The following ANKS1B variants were observed in gnomAD, a reference collection of about 807,000 sequenced individuals.
ANKS1B encodes ankyrin repeat and sterile alpha motif domain containing 1B, also known as ankyrin repeat and sterile alpha motif domain-containing protein 1B.
Under a neutral mutation model 148.3 loss-of-function variants are expected in ANKS1B, and 36 were observed. That is an observed-to-expected ratio of 0.24 (90% CI 0.19 to 0.32). ANKS1B has a LOEUF of 0.32. Among genes scored for constraint, ANKS1B ranks in the 10% least tolerant of loss-of-function variants. ANKS1B has a pLI of 1.00. For missense variants in ANKS1B, 1,157 were observed against 1,542.6 expected (o/e 0.75, Z 4.19); for synonymous variants, 542 against 560.8 (o/e 0.97, Z 0.47).
At chr12:98,834,968 T>C (rs2099353757) in intron 17 of ANKS1B, among the ~76,000 whole-genome samples, 1 of 152,178 alleles carries the variant, frequency 6.6e-6, no homozygotes, top group Admixed American at 6.5e-5. Flanking sequence ...TTCTATTGGA[T>C]ATAAATTCCT....
chr12:98,967,636 G>GGAGGGGAGGGAAGGGGAGGA, intron 17 of ANKS1B, among the ~76,000 whole-genome samples: 1 of 133,960 alleles, frequency 7.5e-6, no homozygotes, highest in African/African-American at 3.0e-5. Context: ...GTAGAAGAGG[G>GGAGGGGAGGGAAGGGGAGGA]GAGGGGAGGG....
At chr12:99,564,011 A>C (rs1456487828) in intron 9 of ANKS1B, among the ~76,000 whole-genome samples, 1 of 152,204 alleles carries the variant, frequency 6.6e-6, no homozygotes, top group Non-Finnish European at 1.5e-5. Flanking sequence ...ATAGTTTTCT[A>C]GATATGGATA....
chr12:99,943,964 C>G (rs1208920428), intron 1 of ANKS1B, among the ~76,000 whole-genome samples: 1 of 152,036 alleles, frequency 6.6e-6, no homozygotes, highest in Admixed American at 6.6e-5. Context: ...AGCCCCCACC[C>G]CGCGACAGGC....
intron 19 of ANKS1B, among the ~76,000 whole-genome samples, chr12:98,812,902 G>T (rs1368322974): frequency 5.9e-5 from 9 of 152,090 alleles, no homozygotes; most frequent in Non-Finnish European, 7.4e-5. Context: ...CAGTAGTTTT[G>T]TTAGCAGTAA....
At chr12:98,983,488 A>G (rs898140737) in intron 17 of ANKS1B, among the ~76,000 whole-genome samples, 3 of 152,172 alleles carry the variant, frequency 2.0e-5, no homozygotes, top group African/African-American at 7.2e-5. Context: ...TATCCAGGCA[A>G]TCTCCCTTTT....
intron 14 of ANKS1B, among the ~76,000 whole-genome samples, chr12:99,191,876 G>A (rs2080762504): frequency 6.6e-6 from 1 of 152,134 alleles, no homozygotes; most frequent in Non-Finnish European, 1.5e-5. Context: ...GCTCATGCCT[G>A]TAATCCCAGC....
At chr12:99,470,592 T>C (rs949643449) in intron 10 of ANKS1B, among the ~76,000 whole-genome samples, 2 of 152,198 alleles carry the variant, frequency 1.3e-5, no homozygotes, top group Admixed American at 6.6e-5. Flanking sequence ...CATGTGGTTA[T>C]AGTTTAATAG....
chr12:99,524,438 A>G (rs1157160036), intron 9 of ANKS1B, among the ~76,000 whole-genome samples: 6 of 152,154 alleles, frequency 3.9e-5, no homozygotes, highest in African/African-American at 1.4e-4. Flanking sequence ...TGCTATGAGG[A>G]GATCATACTG....
intron 17 of ANKS1B, among the ~76,000 whole-genome samples, chr12:98,942,506 T>C (rs2153025530): frequency 6.6e-6 from 1 of 152,290 alleles, no homozygotes. Flanking sequence ...CTACTCATCC[T>C]CCACCTCCTG....
At chr12:99,584,804 C>A (rs1196061315) in intron 9 of ANKS1B, among the ~76,000 whole-genome samples, 1 of 152,018 alleles carries the variant, frequency 6.6e-6, no homozygotes, top group African/African-American at 2.4e-5. Context: ...ATAAAACCAA[C>A]AGATCGCGTG....
chr12:99,666,895 T>TGGGG (rs59723143), intron 8 of ANKS1B, among the ~76,000 whole-genome samples: 25 of 144,756 alleles, frequency 1.7e-4, no homozygotes, highest in Admixed American at 2.8e-4. Flanking sequence ...TGTGTGTGTG[T>TGGGG]GGTGAGGACA....
chr12:99,028,155 G>A (rs1258281946), intron 17 of ANKS1B, among the ~76,000 whole-genome samples: 1 of 152,288 alleles, frequency 6.6e-6, no homozygotes, highest in South Asian at 2.1e-4. Context: ...TTAATACATG[G>A]AAAGCAATCA....
At chr12:99,332,652 G>C (rs559876740) in intron 12 of ANKS1B, among the ~76,000 whole-genome samples, 1 of 146,622 alleles carries the variant, frequency 6.8e-6, no homozygotes, top group Non-Finnish European at 1.5e-5. Context: ...AAGGTTTTTA[G>C]AAATGGAAAA....
intron 1 of ANKS1B, among the ~76,000 whole-genome samples, chr12:99,883,527 T>A (rs1324102379): frequency 1.3e-5 from 2 of 151,884 alleles, no homozygotes; most frequent in East Asian, 1.9e-4. Flanking sequence ...ATAAAAAAAA[T>A]TTTGATAAAT....
At chr12:98,787,873 C>T (rs10745837) in intron 22 of ANKS1B, among the ~76,000 whole-genome samples, 127,449 of 150,962 alleles carry the variant, frequency 0.84, 53,929 homozygotes, top group East Asian at 1. Flanking sequence ...TGAGCTGAGT[C>T]GGCACCACTA....
intron 9 of ANKS1B, among the ~76,000 whole-genome samples, chr12:99,646,515 G>A (rs939851555): frequency 9.9e-5 from 15 of 151,936 alleles, no homozygotes; most frequent in East Asian, 7.8e-4. Context: ...TTAGCCGGGC[G>A]TGGTGGCACA....
intron 25 of ANKS1B, among the ~76,000 whole-genome samples, chr12:98,756,674 C>T (rs537261409): frequency 5.4e-4 from 82 of 150,882 alleles, no homozygotes; most frequent in Admixed American, 3.3e-3. Context: ...TGCAGTGAAC[C>T]GAGGTTGTGT....
chr12:99,218,350 T>C (rs975281227), intron 14 of ANKS1B, among the ~76,000 whole-genome samples: 15 of 152,194 alleles, frequency 9.9e-5, no homozygotes, highest in Admixed American at 8.5e-4. Flanking sequence ...TCACAGTGTT[T>C]TATGGAAAAT....
At chr12:99,496,957 C>T (rs1300498147) in intron 10 of ANKS1B, among the ~76,000 whole-genome samples, 2 of 152,096 alleles carry the variant, frequency 1.3e-5, no homozygotes, top group East Asian at 3.9e-4. Flanking sequence ...AATTGCCTCT[C>T]CCTATTATGT....
Sources: gnomAD v4.1 joint callset for allele counts (sites outside exome capture counted in the v4.1 genomes callset) on GRCh38, gnomAD v4.1.1 for gene constraint, MANE v1.5 for transcripts, NCBI Gene and HGNC (gene_info 2026-07-23, HGNC 2026-07-21) for gene names.